SLC22A23: variants seen among roughly 807,000 people sequenced by gnomAD.
The protein encoded by SLC22A23 is ion transporter protein.
Under a neutral mutation model 61.0 loss-of-function variants are expected in SLC22A23, and 26 were observed. The ratio of observed to expected loss-of-function variants is 0.43; its 90% CI spans 0.31 to 0.59. The LOEUF (loss-of-function observed/expected upper bound fraction) is 0.59, where lower values mean the gene tolerates loss of function less well. SLC22A23 is among the 20% of genes least tolerant of loss of function. The pLI, the probability that SLC22A23 is intolerant of heterozygous loss-of-function variation, is 0.11. For missense variants in SLC22A23, 796 were observed against 934.7 expected (o/e 0.85, Z 1.94); for synonymous variants, 430 against 413.9 (o/e 1.04, Z -0.47).
At chr6:3,397,599 T>C (rs1249052706) in intron 3 of SLC22A23, among the ~76,000 whole-genome samples, 2 of 152,244 alleles carry the variant, frequency 1.3e-5, no homozygotes, top group East Asian at 3.8e-4. Context: ...TGTACATATG[T>C]ATAACTCAGC....
At chr6:3,371,625 A>T (rs1053988459) in intron 3 of SLC22A23, among the ~76,000 whole-genome samples, 10 of 152,160 alleles carry the variant, frequency 6.6e-5, no homozygotes, top group African/African-American at 2.4e-4. Context: ...CTCATTTGTA[A>T]AATGGGGATA....
chr6:3,399,154 T>C (rs891468844), intron 3 of SLC22A23, among the ~76,000 whole-genome samples: 8 of 151,964 alleles, frequency 5.3e-5, no homozygotes, highest in Non-Finnish European at 7.4e-5. Context: ...CAGTGGGAGG[T>C]GGGTTCCTAC....
At chr6:3,455,757 G>C in intron 1 of SLC22A23, 149 bp downstream of exon 1, 1 of 959,244 alleles carries the variant, frequency 1.0e-6, no homozygotes, top group South Asian at 1.9e-5. Context: ...CATGTGGTTT[G>C]GGGGACGGAA....
chr6:3,346,209 G>A (rs557940350), intron 3 of SLC22A23, among the ~76,000 whole-genome samples: 10 of 152,104 alleles, frequency 6.6e-5, no homozygotes, highest in South Asian at 2.1e-4. Context: ...ACAGGCCAGC[G>A]CCACCTCTGC....
chr6:3,434,130 A>G (rs1771050060), intron 1 of SLC22A23, among the ~76,000 whole-genome samples: 1 of 152,144 alleles, frequency 6.6e-6, no homozygotes, highest in African/African-American at 2.4e-5. Context: ...CCTGACCAAC[A>G]TGGTGAAACC....
At chr6:3,352,592 A>C (rs1264120595) in intron 3 of SLC22A23, among the ~76,000 whole-genome samples, 1 of 152,184 alleles carries the variant, frequency 6.6e-6, no homozygotes, top group African/African-American at 2.4e-5. Flanking sequence ...GATCTCTGCC[A>C]TTCTTGTTTT....
chr6:3,353,272 C>A (rs1428859250), intron 3 of SLC22A23, among the ~76,000 whole-genome samples: 7 of 152,192 alleles, frequency 4.6e-5, no homozygotes, highest in African/African-American at 1.7e-4. Context: ...GGTTTTCCAG[C>A]ATTTGAACAA....
At chr6:3,397,830 T>G (rs1271815794) in intron 3 of SLC22A23, among the ~76,000 whole-genome samples, 2 of 152,198 alleles carry the variant, frequency 1.3e-5, no homozygotes, top group African/African-American at 4.8e-5. Flanking sequence ...ACTCTTACAC[T>G]CCGGGGCTGT....
intron 3 of SLC22A23, among the ~76,000 whole-genome samples, chr6:3,341,216 G>A (rs968035085): frequency 2.0e-5 from 3 of 152,204 alleles, no homozygotes; most frequent in Non-Finnish European, 4.4e-5. Context: ...TTCTCAGAAA[G>A]CCCTCCCTCC....
At chr6:3,275,932 A>G (rs1022572500) in intron 9 of SLC22A23, among the ~76,000 whole-genome samples, 3 of 152,260 alleles carry the variant, frequency 2.0e-5, no homozygotes, top group African/African-American at 7.2e-5. Context: ...GGCAGGCCAG[A>G]CACAGTGGCT....
intron 3 of SLC22A23, among the ~76,000 whole-genome samples, chr6:3,379,959 G>A (rs569792637): frequency 4.9e-5 from 7 of 144,074 alleles, no homozygotes; most frequent in East Asian, 2.0e-4. Context: ...GTGTGGATGC[G>A]TGTGTGTGTG....
At chr6:3,385,289 G>T (rs1767225440) in intron 3 of SLC22A23, among the ~76,000 whole-genome samples, 1 of 152,122 alleles carries the variant, frequency 6.6e-6, no homozygotes, top group South Asian at 2.1e-4. Context: ...AAGGTGGGTG[G>T]ATCACTTGAG....
intron 1 of SLC22A23, among the ~76,000 whole-genome samples, chr6:3,450,790 A>T (rs1421275403): frequency 6.6e-6 from 1 of 152,214 alleles, no homozygotes; most frequent in African/African-American, 2.4e-5. Flanking sequence ...GGCATTTCAA[A>T]AGTGAAAACT....
intron 8 of SLC22A23, among the ~76,000 whole-genome samples, chr6:3,284,654 C>T (rs1159268898): frequency 6.6e-6 from 1 of 152,208 alleles, no homozygotes; most frequent in Non-Finnish European, 1.5e-5. Flanking sequence ...TGTGCTGTCC[C>T]CATGGGCTGC....
intron 4 of SLC22A23, among the ~76,000 whole-genome samples, chr6:3,303,659 GA>G (rs1441006570): frequency 6.6e-6 from 1 of 152,188 alleles, no homozygotes; most frequent in Non-Finnish European, 1.5e-5. Flanking sequence ...TGATCTCATA[GA>G]AGTGAAAAGT....
At chr6:3,295,385 C>T (rs1429125470) in intron 5 of SLC22A23, among the ~76,000 whole-genome samples, 4 of 150,024 alleles carry the variant, frequency 2.7e-5, no homozygotes, top group Non-Finnish European at 5.9e-5. Flanking sequence ...GGGAGCCAAA[C>T]GAAGGCCAGG....
At chr6:3,274,564 G>C (rs1367393405) in intron 9 of SLC22A23, among the ~76,000 whole-genome samples, 3 of 152,208 alleles carry the variant, frequency 2.0e-5, no homozygotes, top group Non-Finnish European at 2.9e-5. Context: ...CAACAGGTAG[G>C]AGGCAGGTAG....
intron 3 of SLC22A23, among the ~76,000 whole-genome samples, chr6:3,391,360 A>G (rs1767649022): frequency 6.6e-6 from 1 of 152,228 alleles, no homozygotes; most frequent in African/African-American, 2.4e-5. Context: ...TTTGTGAGAA[A>G]TCTCAGCAAA....
chr6:3,321,700 ACAGGTGG>A (rs1379724336), intron 4 of SLC22A23, among the ~76,000 whole-genome samples: 39 of 152,226 alleles, frequency 2.6e-4, no homozygotes, highest in Middle Eastern at 3.4e-3. Flanking sequence ...CCTGCCTGGG[ACAGGTGG>A]GTGCAGAGCC....
Sources: allele counts gnomAD v4.1 joint callset (sites outside exome capture counted in the v4.1 genomes callset), GRCh38; gene constraint gnomAD v4.1.1; transcripts MANE v1.5; gene names NCBI Gene and HGNC (gene_info 2026-07-23, HGNC 2026-07-21).